Variants in DCLRE1C observed in about 807,000 individuals in gnomAD.
The protein encoded by DCLRE1C is protein artemis.
In DCLRE1C, 47 loss-of-function variants were observed where a neutral mutation model predicts 61.4. The observed-to-expected ratio is 0.77, with a 90% CI of 0.61 to 0.98. DCLRE1C has a LOEUF of 0.98. Among genes scored for constraint, DCLRE1C ranks in the 50% least tolerant of loss-of-function variants. DCLRE1C has a pLI of 0.00. For synonymous variants in DCLRE1C, 337 were observed against 287.6 expected (o/e 1.17, Z -1.74); for missense variants, 858 against 816.0 (o/e 1.05, Z -0.63).
At chr10:14,904,176 A>C (rs1834203991), downstream of DCLRE1C, 1 of 151,972 alleles carries the variant, frequency 6.6e-6, no homozygotes, top group African/African-American at 2.4e-5. Flanking sequence ...GTGGTGGCAC[A>C]CGCCTGTAGT....
intron 8 of DCLRE1C, 138 bp from the exon 9 acceptor site, chr10:14,933,093 C>T (rs1589051703): frequency 1.1e-6 from 1 of 933,338 alleles, no homozygotes. Flanking sequence ...TTTGGCTATT[C>T]AGTGCACTCT....
downstream of DCLRE1C, chr10:14,902,538 A>G: frequency 7.1e-7 from 1 of 1,401,958 alleles, no homozygotes. Context: ...AGAGCTGATG[A>G]TTATAATATT....
At chr10:14,928,206 T>A in intron 9 of DCLRE1C, 54 bp from the exon 10 acceptor site, 1 of 1,557,188 alleles carries the variant, frequency 6.4e-7, no homozygotes, top group South Asian at 1.1e-5. Flanking sequence ...ACAAATCTGT[T>A]GTAGGCAGAG....
chr10:14,923,985 C>T (rs983990057), intron 11 of DCLRE1C, among the ~76,000 whole-genome samples: 2 of 152,258 alleles, frequency 1.3e-5, no homozygotes, highest in African/African-American at 4.8e-5. Context: ...CTACATGCAA[C>T]CCTCTCCTGC....
At chr10:14,931,078 A>G (rs533098735) in intron 9 of DCLRE1C, among the ~76,000 whole-genome samples, 2 of 152,256 alleles carry the variant, frequency 1.3e-5, no homozygotes, top group East Asian at 1.9e-4. Context: ...TACTTTAAAA[A>G]TTACACAGGA....
chr10:14,913,263 T>TA (rs1835594540), intron 13 of DCLRE1C, among the ~76,000 whole-genome samples: 1 of 152,238 alleles, frequency 6.6e-6, no homozygotes, highest in African/African-American at 2.4e-5. Flanking sequence ...TGACTGGAAA[T>TA]AGACATAAAG....
At chr10:14,901,277 TAC>T (rs774577075), downstream of DCLRE1C, 7 of 1,613,356 alleles carry the variant, frequency 4.3e-6, no homozygotes, top group Non-Finnish European at 5.9e-6. Context: ...GCTTTTCAAG[TAC>T]AGTTTCATTG....
In DCLRE1C at chr10:14,934,399, C is replaced by G. The variant is rs1171131685; in HGVS notation, c.659G>C (p.Ser220Thr). The G allele has an allele frequency of 2.5e-6, 4 of 1,613,654 alleles. No homozygotes were observed. The African/African-American group carries it at 5.3e-5, about 22-fold the overall frequency. Residue 220 changes from serine (S) to threonine (T), a missense_variant, in exon 8 of 14, where the codon AGT becomes ACT. Transcript: ENST00000378278. ...CCATACCTGGACTCCTAATTCTTCACTAAGGTTGGTGAACAGATATTCATA... is the reference window on the plus strand; with the variant it reads ...CCATACCTGGACTCCTAATTCTTCAGTAAGGTTGGTGAACAGATATTCATA... Reference protein sequence around the residue: ...YGYEYLFTNLSEELGVQVHVN... With the variant: ...YGYEYLFTNLTEELGVQVHVN...
In DCLRE1C at chr10:14,909,183, C is replaced by A; in HGVS notation, c.1304G>T (p.Cys435Phe). 1.2e-6 allele frequency: 2 copies of A among 1,614,176 alleles called. No individual in the cohort carries two copies. Among genetic ancestry groups the A allele is most frequent in the Non-Finnish European group, 1.7e-6 (2 of 1,180,018 alleles). The change falls in exon 14 of 14, where the codon TGC becomes TTC. Residue 435 changes from cysteine to phenylalanine, a missense_variant. By Grantham distance (205) the Cys-to-Phe change is radical. Coordinates refer to ENST00000378278, the MANE Select transcript of DCLRE1C (RefSeq NM_001033855.3). The part of the protein sequence containing the change: ...QPEKLRQTPG[C>F]CRAECMQSSR... The stretch of plus-strand genomic sequence containing the variant: ...GCTCTGCATACACTCTGCTCTGCAG[C>A]ATCCTGGGGTTTGTCTCAGTTTTTC...
At chr10:14,909,479 A>G (rs1834883810) in intron 13 of DCLRE1C, 149 bp from the exon 14 acceptor site, 2 of 701,272 alleles carry the variant, frequency 2.9e-6, no homozygotes, top group Non-Finnish European at 4.7e-6. Flanking sequence ...TATGCTGAAC[A>G]ATTTAACTGC....
chr10:14,921,048 G>C (rs1368543738), intron 12 of DCLRE1C, among the ~76,000 whole-genome samples: 1 of 151,790 alleles, frequency 6.6e-6, no homozygotes, highest in Non-Finnish European at 1.5e-5. Flanking sequence ...GCTGGGCACG[G>C]TGGCTCACAC....
At position 14,908,165 on chromosome 10, in the gene DCLRE1C, C is replaced by CTTTTT. The variant is rs750020058; in HGVS notation, c.*238_*242dup. ...CAGAGTAGCCCACCACCATGCCTGGCTTTTTTTTTTTTTTTTTTTTTTGTA... is the reference window on the plus strand; with the variant it reads ...CAGAGTAGCCCACCACCATGCCTGGCTTTTTTTTTTTTTTTTTTTTTTTTTTTGTA... On this transcript the variant is annotated 3_prime_UTR_variant, in exon 14 of 14. Coordinates refer to ENST00000378278, the MANE Select transcript of DCLRE1C (RefSeq NM_001033855.3). 3.6e-3 allele frequency: 712 copies of CTTTTT among 197,820 alleles called. 116 individuals are homozygous for CTTTTT. Among genetic ancestry groups the CTTTTT allele is most frequent in the African/African-American group, 0.028 (552 of 19,464 alleles). The allele number at this position is 197,820 out of a possible 1,614,324, so 12.3% of individuals were successfully genotyped here.
chr10:14,954,237 C>A (rs1274304861), upstream of DCLRE1C: 4 of 660,746 alleles, frequency 6.1e-6, no homozygotes, highest in Non-Finnish European at 1.0e-5. Flanking sequence ...CTTCGCTGCA[C>A]GCGATGGGCC....
intron 12 of DCLRE1C, among the ~76,000 whole-genome samples, chr10:14,920,072 A>C (rs1258396098): frequency 6.6e-6 from 1 of 152,236 alleles, no homozygotes; most frequent in Admixed American, 6.5e-5. Flanking sequence ...ATAAGCAATT[A>C]AATGCAACCC....
At chr10:14,935,664 T>G (rs1306597793) in intron 5 of DCLRE1C, 100 bp from the exon 6 acceptor site, 1 of 1,138,958 alleles carries the variant, frequency 8.8e-7, no homozygotes, top group African/African-American at 1.5e-5. Flanking sequence ...TGCAAACATA[T>G]CCATTACAAT....
intron 5 of DCLRE1C, among the ~76,000 whole-genome samples, chr10:14,936,274 G>A (rs1455194053): frequency 1.4e-5 from 2 of 147,814 alleles, no homozygotes; most frequent in Non-Finnish European, 3.0e-5. Context: ...GAACAAATGT[G>A]TTTTAAATGA....
chr10:14,954,183 G>C (rs960706350), upstream of DCLRE1C: 1 of 1,149,892 alleles, frequency 8.7e-7, no homozygotes, highest in Non-Finnish European at 1.2e-6. Context: ...AGGAGCATCC[G>C]GTCGGGTTCT....
chr10:14,899,137 T>C (rs1184238825), exon 14 of DCLRE1C: 1 of 682,492 alleles, frequency 1.5e-6, no homozygotes, highest in Non-Finnish European at 2.7e-6. Flanking sequence ...GTGGGCAACA[T>C]AGTGAGACCC....
intron 11 of DCLRE1C, among the ~76,000 whole-genome samples, chr10:14,925,681 T>C (rs952949419): frequency 2.0e-5 from 3 of 152,226 alleles, no homozygotes; most frequent in African/African-American, 7.2e-5. Flanking sequence ...ATATTTTCTC[T>C]AGAAGCCACG....
Sources: allele counts gnomAD v4.1 joint callset (sites outside exome capture counted in the v4.1 genomes callset), GRCh38; gene constraint gnomAD v4.1.1; transcripts MANE v1.5; gene names NCBI Gene and HGNC (gene_info 2026-07-23, HGNC 2026-07-21).